The following HECW1 variants were observed in gnomAD, a reference collection of about 807,000 sequenced individuals.
HECW1 encodes HECT, C2 and WW domain containing E3 ubiquitin protein ligase 1.
A neutral mutation model predicts 182.3 loss-of-function variants in HECW1; 61 were observed. The observed-to-expected ratio is 0.33, with a 90% CI of 0.27 to 0.41. HECW1 has a LOEUF of 0.41. Among genes scored for constraint, HECW1 ranks in the 10% least tolerant of loss-of-function variants. The probability of loss-of-function intolerance (pLI) is 1.00; values close to 1 mark genes in which losing one functional copy is unlikely to be tolerated. For missense variants in HECW1, 1,739 were observed against 2,108.9 expected, an observed-to-expected ratio of 0.82 and a Z score of 3.44; for synonymous variants, 859 against 832.6, an observed-to-expected ratio of 1.03 and a Z score of -0.55.
At chr7:43,207,681 A>G (rs1183913327) in intron 2 of HECW1, 1 of 152,100 alleles carries the variant, frequency 6.6e-6, no homozygotes, top group Non-Finnish European at 1.5e-5. Context: ...TTTAACCTCT[A>G]TGAGATCAAC....
chr7:43,224,632 C>A (rs1209752098), intron 2 of HECW1, among the ~76,000 whole-genome samples: 1 of 151,664 alleles, frequency 6.6e-6, no homozygotes, highest in Non-Finnish European at 1.5e-5. Flanking sequence ...CCAGCCTGGG[C>A]AACACGGCAA....
chr7:43,530,581 G>C (rs942740392), intron 24 of HECW1, among the ~76,000 whole-genome samples: 1 of 152,006 alleles, frequency 6.6e-6, no homozygotes, highest in African/African-American at 2.4e-5. Flanking sequence ...TGTAATCAAA[G>C]TTTACTGCTT....
intron 24 of HECW1, among the ~76,000 whole-genome samples, chr7:43,520,602 T>C (rs2080420129): frequency 6.9e-6 from 1 of 144,066 alleles, no homozygotes; most frequent in Non-Finnish European, 1.5e-5. Context: ...GACAAATATG[T>C]TCATCTTCTC....
chr7:43,474,364 G>A (rs1159879970), intron 16 of HECW1, among the ~76,000 whole-genome samples: 2 of 152,152 alleles, frequency 1.3e-5, no homozygotes, highest in African/African-American at 4.8e-5. Context: ...CAGGAGAATG[G>A]CGTGAACCTG....
chr7:43,223,332 T>C (rs546380055), intron 2 of HECW1, among the ~76,000 whole-genome samples: 39 of 152,280 alleles, frequency 2.6e-4, no homozygotes, highest in African/African-American at 9.4e-4. Context: ...AAAACATTTG[T>C]CAAGGCCAGG....
chr7:43,405,603 G>T (rs770773280), intron 7 of HECW1, among the ~76,000 whole-genome samples: 5 of 152,048 alleles, frequency 3.3e-5, no homozygotes, highest in Non-Finnish European at 5.9e-5. Context: ...GGGGACAGTG[G>T]GGGTGGTGCT....
At chr7:43,295,534 CA>C (rs1160649165) in intron 3 of HECW1, among the ~76,000 whole-genome samples, 1 of 152,128 alleles carries the variant, frequency 6.6e-6, no homozygotes, top group African/African-American at 2.4e-5. Context: ...TCCCACTCCC[CA>C]GGGGGGCCTG....
At chr7:43,165,549 A>G (rs1275999563) in intron 2 of HECW1, among the ~76,000 whole-genome samples, 2 of 152,188 alleles carry the variant, frequency 1.3e-5, no homozygotes. Context: ...AGATTTGAGA[A>G]CATAAGAGTG....
At chr7:43,147,647 C>T (rs1377705351) in intron 2 of HECW1, 1 of 152,026 alleles carries the variant, frequency 6.6e-6, no homozygotes, top group Non-Finnish European at 1.5e-5. Flanking sequence ...GTCATGTACC[C>T]TTTTTTTAAT....
intron 2 of HECW1, among the ~76,000 whole-genome samples, chr7:43,119,490 C>G (rs990753348): frequency 2.0e-5 from 3 of 152,190 alleles, no homozygotes; most frequent in African/African-American, 7.2e-5. Flanking sequence ...GGGGATTCCC[C>G]AGGCCTTGGC....
At chr7:43,168,896 G>A (rs980007675) in intron 2 of HECW1, among the ~76,000 whole-genome samples, 2 of 152,110 alleles carry the variant, frequency 1.3e-5, no homozygotes, top group Non-Finnish European at 2.9e-5. Flanking sequence ...ACATTTAAGG[G>A]GGGCAGGAAA....
At chr7:43,502,397 G>C (rs1338262484) in intron 21 of HECW1, among the ~76,000 whole-genome samples, 1 of 152,136 alleles carries the variant, frequency 6.6e-6, no homozygotes, top group Non-Finnish European at 1.5e-5. Flanking sequence ...TGGCTAACCC[G>C]CGTAATCCCA....
chr7:43,521,939 C>G (rs932458995), intron 24 of HECW1, among the ~76,000 whole-genome samples: 14 of 152,126 alleles, frequency 9.2e-5, no homozygotes, highest in African/African-American at 3.4e-4. Flanking sequence ...GAGGGCTCCA[C>G]CTTTGTGAAT....
chr7:43,159,285 C>A (rs989839479), intron 2 of HECW1, among the ~76,000 whole-genome samples: 2 of 151,802 alleles, frequency 1.3e-5, no homozygotes, highest in Non-Finnish European at 2.9e-5. Flanking sequence ...CTGCACCCAT[C>A]AACTCATCAC....
chr7:43,262,833 A>G (rs1336999743), intron 3 of HECW1, among the ~76,000 whole-genome samples: 1 of 152,014 alleles, frequency 6.6e-6, no homozygotes, highest in Non-Finnish European at 1.5e-5. Context: ...CCTTCTCCCT[A>G]CTTCCCAGTC....
Position 43,458,219 on chromosome 7 carries a change from A to G in HECW1, c.2651+1772A>G, listed in dbSNP as rs554815257. Among the ~76,000 whole-genome samples the G allele has an allele frequency of 1.8e-4, 27 of 152,340 alleles. No individual in the cohort carries two copies. The South Asian group carries it at 5.6e-3, about 32-fold the overall frequency. On this transcript the variant is annotated intron_variant, in intron 13 of 29. Coordinates refer to ENST00000395891, the MANE Select transcript of HECW1 (RefSeq NM_015052.5). ...AGCCCCTAGGTCTGTCTTGCCAAAA[A>G]TGATAAGCTCCAATTGTTTAGCAGA...
At chr7:43,534,759 A>G (rs2081115308) in intron 24 of HECW1, among the ~76,000 whole-genome samples, 1 of 152,258 alleles carries the variant, frequency 6.6e-6, no homozygotes, top group East Asian at 1.9e-4. Context: ...ACCATGATAC[A>G]TAAATGCTGT....
intron 8 of HECW1, among the ~76,000 whole-genome samples, chr7:43,425,380 A>G (rs528431241): frequency 9.2e-5 from 14 of 152,124 alleles, no homozygotes; most frequent in African/African-American, 3.4e-4. Flanking sequence ...AGGGTATCTT[A>G]ATAATGTCTT....
At chr7:43,547,741 G>A (rs2081620644) in intron 26 of HECW1, among the ~76,000 whole-genome samples, 1 of 152,098 alleles carries the variant, frequency 6.6e-6, no homozygotes, top group Admixed American at 6.5e-5. Context: ...TCAATCTATG[G>A]TGCCTATCAA....
Sources: allele counts gnomAD v4.1 joint callset (sites outside exome capture counted in the v4.1 genomes callset), GRCh38; gene constraint gnomAD v4.1.1; transcripts MANE v1.5; gene names NCBI Gene and HGNC (gene_info 2026-07-23, HGNC 2026-07-21).